The following PCP2 variants were observed in gnomAD, a reference collection of about 807,000 sequenced individuals.
The protein encoded by PCP2 is Purkinje cell protein 2 homolog.
In PCP2, 21 loss-of-function variants were observed where a neutral mutation model predicts 18.3. The ratio of observed to expected loss-of-function variants is 1.14; its 90% confidence interval spans 0.81 to 1.65. The LOEUF (loss-of-function observed/expected upper bound fraction) is 1.65. Ranked by LOEUF, PCP2 falls within the 40% of genes most tolerant of loss-of-function variation. The probability of loss-of-function intolerance (pLI) is 0.00; values close to 1 mark genes in which losing one functional copy is unlikely to be tolerated. For missense variants in PCP2, 202 were observed against 201.8 expected, an observed-to-expected ratio of 1.00 and a Z score of 0.00; for synonymous variants, 85 against 77.6, an observed-to-expected ratio of 1.10 and a Z score of -0.50.
upstream of PCP2, chr19:7,636,972 G>T: frequency 1.8e-6 from 1 of 569,980 alleles, no homozygotes; most frequent in Non-Finnish European, 2.5e-6. Flanking sequence ...GCACCTGCCC[G>T]TCCTCCCCGC....
chr19:7,632,121 G>A lies in PCP2; in HGVS notation c.291+272C>T. The A allele has an allele frequency of 1.7e-6, 1 of 575,878 alleles. No individual in the cohort carries two copies. Among genetic ancestry groups the A allele is most frequent in the African/African-American group, 1.9e-5 (1 of 53,500 alleles). 35.7% of individuals were successfully genotyped at this position (575,878 alleles called of 1,614,324 possible). ...CCTCCCTGGGATACTTTCCTAGGAA[G>A]GGGTCCTATTTTCTCCCTTTGGCCT... On this transcript the variant is annotated intron_variant, in intron 3 of 3. Coordinates refer to ENST00000311069, the MANE Select transcript of PCP2 (RefSeq NM_174895.3). This position sits in a 1 kb window ranked among gnomAD's most constrained non-coding sequence, Gnocchi z 5.2.
chr19:7,632,440 G>A lies in PCP2; in HGVS notation c.244C>T (p.Arg82Cys), dbSNP rs555604825. ...STQGRRMDDQ[R>C]VTVSSLPGFQ... Reference sequence around the variant, plus strand: ...CCGGGCAGGCTGCTGACTGTCACACGTTGGTCATCCATGCGGCGGCCCTGG... The same window carrying A: ...CCGGGCAGGCTGCTGACTGTCACACATTGGTCATCCATGCGGCGGCCCTGG... The change falls in exon 3 of 4, where the codon CGT becomes TGT. Residue 82 changes from arginine (R) to cysteine (C), a missense_variant. Transcript: ENST00000311069. This position sits in a 1 kb window ranked among gnomAD's most constrained non-coding sequence, Gnocchi z 5.2. 3.2e-5 allele frequency: 51 copies of A among 1,613,930 alleles called. No homozygotes were observed. The highest frequency in any genetic ancestry group is 1.1e-4 in the East Asian group (5 of 44,880).
intron 3 of PCP2, 78 bp from the exon 4 acceptor site, chr19:7,631,886 G>T: frequency 1.5e-6 from 2 of 1,326,692 alleles, no homozygotes; most frequent in African/African-American, 1.5e-5. Flanking sequence ...TGGAGAGAGG[G>T]TGCAGGTAGC....
Position 7,632,305 on chromosome 19 carries a change from C to A in PCP2, c.291+88G>T. 6.4e-7 allele frequency: 1 copy of A among 1,567,102 alleles called. No individual in the cohort carries two copies. Among genetic ancestry groups the A allele is most frequent in the South Asian group, 1.2e-5 (1 of 85,348 alleles). On this transcript the variant is annotated intron_variant, in intron 3 of 3. Transcript: ENST00000311069. This position sits in a 1 kb window ranked among gnomAD's most constrained non-coding sequence, Gnocchi z 5.2. ...AGCGGATGGACAGAGATGGGGCAGG[C>A]CCTGTTCCCTCCTGGCTGGGGTGGA...
chr19:7,632,155 C>A lies in PCP2; in HGVS notation c.291+238G>T. On this transcript the variant is annotated intron_variant, in intron 3 of 3. Transcript: ENST00000311069. The surrounding 1 kb of genome is among the most constrained non-coding windows in gnomAD (Gnocchi z 5.2). ...TTTTCTCCCTTTGGCCTCCCCAGAA[C>A]CTTCAGACTTGGGGGCAGGAGCCAC... 1 of 658,788 alleles carries A rather than the reference C, an allele frequency of 1.5e-6. No individual in the cohort carries two copies. Among genetic ancestry groups the A allele is most frequent in the Non-Finnish European group, 2.5e-6 (1 of 397,184 alleles). The allele number at this position is 658,788 out of a possible 1,614,324, so 40.8% of individuals were successfully genotyped here. A position where few individuals can be genotyped will look rare whatever the true frequency, so the allele number is the denominator to read the frequency against.
chr19:7,634,926 C>G (rs577082555), upstream of PCP2, among the ~76,000 whole-genome samples: 1 of 152,308 alleles, frequency 6.6e-6, no homozygotes, highest in African/African-American at 2.4e-5. Flanking sequence ...CCCCACCCCC[C>G]CAACCACCTA....
upstream of PCP2, chr19:7,636,972 G>C (rs770356761): frequency 5.6e-5 from 32 of 569,742 alleles, no homozygotes; most frequent in South Asian, 9.3e-5. Flanking sequence ...GCACCTGCCC[G>C]TCCTCCCCGC....
At chr19:7,633,019 G>A in intron 1 of PCP2, 189 bp from the exon 2 acceptor site, 11 of 1,430,248 alleles carry the variant, frequency 7.7e-6, no homozygotes, top group Non-Finnish European at 9.1e-6. Flanking sequence ...TCCCAATCCC[G>A]GCCCCCGCCC....
upstream of PCP2, chr19:7,633,787 G>A: frequency 2.7e-6 from 1 of 365,362 alleles, no homozygotes; most frequent in East Asian, 5.1e-5. Context: ...TTGGAGAAGG[G>A]AGGCCAACAG....
chr19:7,632,314 C>G lies in PCP2; in HGVS notation c.291+79G>C. On this transcript the variant is annotated intron_variant, in intron 3 of 3. Coordinates refer to ENST00000311069, the MANE Select transcript of PCP2 (RefSeq NM_174895.3). This position sits in a 1 kb window ranked among gnomAD's most constrained non-coding sequence, Gnocchi z 5.2. ...ACAGAGATGGGGCAGGCCCTGTTCC[C>G]TCCTGGCTGGGGTGGAGGGCAGGAT... 3 of 1,584,432 alleles carry G rather than the reference C, an allele frequency of 1.9e-6. No individual in the cohort carries two copies. Among genetic ancestry groups the G allele is most frequent in the Non-Finnish European group, 2.6e-6 (3 of 1,165,854 alleles).
chr19:7,633,507 C>T lies in PCP2; in HGVS notation c.-50G>A, dbSNP rs1255281043. The T allele has an allele frequency of 6.5e-7, 1 of 1,538,086 alleles. No individual in the cohort carries two copies. Among genetic ancestry groups the T allele is most frequent in the Non-Finnish European group, 8.8e-7 (1 of 1,134,208 alleles). The stretch of plus-strand genomic sequence containing the variant: ...TGCTGGCCTCTGCCCCGGCCCAGTG[C>T]CAGAGAGGGCCTTTTAAACGTCCAG... On this transcript the variant is annotated 5_prime_UTR_variant, in exon 1 of 4. An upstream open reading frame in the 5' UTR gains an earlier in-frame stop. Transcript: ENST00000311069.
chr19:7,631,974 G>A (rs1324514401), intron 3 of PCP2, 166 bp from the exon 4 acceptor site: 4 of 668,426 alleles, frequency 6.0e-6, no homozygotes, highest in African/African-American at 1.9e-5. Flanking sequence ...ATTTGAGTGT[G>A]AGGTGGCAGG....
chr19:7,631,682 C>G lies in PCP2; in HGVS notation c.*7G>C. On this transcript the variant is annotated 3_prime_UTR_variant, in exon 4 of 4. Coordinates refer to ENST00000311069, the MANE Select transcript of PCP2 (RefSeq NM_174895.3). ...GGGCCGAGTGAGACCCAGGATGCCT[C>G]AGGCCCTCAGGGGGCTTGTGTCGGG... 1.4e-6 allele frequency: 2 copies of G among 1,460,958 alleles called. No individual in the cohort carries two copies. Among genetic ancestry groups the G allele is most frequent in the Non-Finnish European group, 1.8e-6 (2 of 1,105,918 alleles). The allele number at this position is 1,460,958 out of a possible 1,614,324, so 90.5% of individuals were successfully genotyped here. A position where few individuals can be genotyped will look rare whatever the true frequency, so the allele number is the denominator to read the frequency against.
Position 7,633,675 on chromosome 19 carries a change from A to C in PCP2, c.-218T>G. Reference sequence around the variant, plus strand: ...GGATCTGGCATGGTGGGTAGGGGGCAGGGCGACCTGAGCTTGGACCTCGCT... The same window carrying C: ...GGATCTGGCATGGTGGGTAGGGGGCCGGGCGACCTGAGCTTGGACCTCGCT... On this transcript the variant is annotated 5_prime_UTR_variant, in exon 1 of 4. Transcript: ENST00000311069. 1.7e-6 allele frequency: 1 copy of C among 589,652 alleles called. No homozygotes were observed. Among genetic ancestry groups the C allele is most frequent in the Non-Finnish European group, 3.0e-6 (1 of 333,224 alleles). 36.5% of individuals were successfully genotyped at this position (589,652 alleles called of 1,614,324 possible).
At position 7,633,437 on chromosome 19, in the gene PCP2, C is replaced by G; in HGVS notation, c.21G>C (p.Lys7Asn). 6.3e-7 allele frequency: 1 copy of G among 1,577,410 alleles called. No individual in the cohort carries two copies. The highest frequency in any genetic ancestry group is 8.6e-7 in the Non-Finnish European group (1 of 1,160,236). Residue 7 changes from lysine to asparagine, a missense_variant, in exon 1 of 4, where the codon AAG (lysine) becomes AAC (asparagine). Physicochemically the swap from Lys to Asn is moderately conservative, Grantham distance 94 (BLOSUM62 0). Transcript: ENST00000311069. MMDQEEKTEEGSGPCAE... is the reference protein window; with the variant it reads MMDQEENTEEGSGPCAE... ...CACAGGGGCCTGAGCCTTCCTCCGTCTTCTCCTCCTGATCCATCATGTCCC... is the reference window on the plus strand; with the variant it reads ...CACAGGGGCCTGAGCCTTCCTCCGTGTTCTCCTCCTGATCCATCATGTCCC...
chr19:7,635,941 G>A (rs968392401), upstream of PCP2, among the ~76,000 whole-genome samples: 34 of 152,130 alleles, frequency 2.2e-4, no homozygotes, highest in African/African-American at 8.2e-4. Flanking sequence ...CTTAAGCTCG[G>A]GGCTCCTCCC....
At chr19:7,634,552 T>A (rs1236939533), upstream of PCP2, among the ~76,000 whole-genome samples, 3 of 152,240 alleles carry the variant, frequency 2.0e-5, no homozygotes, top group Admixed American at 6.5e-5. Flanking sequence ...TATTTTTATA[T>A]AGAGATGAGG....
upstream of PCP2, among the ~76,000 whole-genome samples, chr19:7,635,003 C>G (rs1186158872): frequency 1.3e-5 from 2 of 152,256 alleles, no homozygotes; most frequent in East Asian, 1.9e-4. Context: ...GGGGCCTACT[C>G]TACTCCAGTG....
upstream of PCP2, chr19:7,633,755 G>A (rs986353871): frequency 6.6e-6 from 3 of 453,662 alleles, no homozygotes; most frequent in South Asian, 3.3e-5. Flanking sequence ...TGTCACAAAA[G>A]GCCTGAGCAG....
Sources: gnomAD v4.1 joint callset for allele counts (sites outside exome capture counted in the v4.1 genomes callset) on GRCh38, gnomAD v4.1.1 for gene constraint, Gnocchi (gnomAD v3.1) non-coding constraint, MANE v1.5 for transcripts, NCBI Gene and HGNC (gene_info 2026-07-23, HGNC 2026-07-21) for gene names.